Variants in ATRNL1 observed in about 807,000 individuals in gnomAD.
The protein encoded by ATRNL1 is attractin like 1.
A neutral mutation model predicts 182.7 loss-of-function variants in ATRNL1; 95 were observed. That is an observed-to-expected ratio of 0.52 (90% CI 0.44 to 0.62). The LOEUF is 0.62. ATRNL1 is among the 20% of genes least tolerant of loss of function. The pLI is 0.00. For missense variants in ATRNL1, 1,471 were observed against 1,679.5 expected (o/e 0.88, Z 2.17); for synonymous variants, 576 against 568.3 (o/e 1.01, Z -0.19).
intron 10 of ATRNL1, among the ~76,000 whole-genome samples, chr10:115,259,295 G>T (rs951133121): frequency 6.6e-6 from 1 of 152,156 alleles, no homozygotes; most frequent in African/African-American, 2.4e-5. Flanking sequence ...CTTCCTGGCC[G>T]CTTTGTTTAC....
At chr10:115,314,666 T>C (rs1854203196) in intron 17 of ATRNL1, among the ~76,000 whole-genome samples, 1 of 152,236 alleles carries the variant, frequency 6.6e-6, no homozygotes. Flanking sequence ...TAAGATGCTT[T>C]GGTTGTTAAG....
intron 10 of ATRNL1, among the ~76,000 whole-genome samples, chr10:115,257,564 G>A (rs554038277): frequency 1.3e-5 from 2 of 151,438 alleles, no homozygotes; most frequent in Non-Finnish European, 3.0e-5. Flanking sequence ...CACACTGATG[G>A]ATCTTGACTT....
intron 5 of ATRNL1, among the ~76,000 whole-genome samples, chr10:115,148,727 T>C (rs1214729931): frequency 6.7e-6 from 1 of 150,232 alleles, no homozygotes; most frequent in Non-Finnish European, 1.5e-5. Context: ...TGGATCTCCC[T>C]CTTTGAGGCC....
At chr10:115,929,534 A>G (rs1490067257) in intron 28 of ATRNL1, among the ~76,000 whole-genome samples, 1 of 152,166 alleles carries the variant, frequency 6.6e-6, no homozygotes, top group Non-Finnish European at 1.5e-5. Flanking sequence ...GGTATGAAGG[A>G]ACCCAAGGCT....
intron 24 of ATRNL1, among the ~76,000 whole-genome samples, chr10:115,470,869 A>G (rs1848277116): frequency 6.6e-6 from 1 of 150,796 alleles, no homozygotes; most frequent in East Asian, 1.9e-4. Context: ...AAAGCATGGA[A>G]GTATTAATAT....
At chr10:115,443,270 C>A (rs934855446) in intron 21 of ATRNL1, among the ~76,000 whole-genome samples, 2 of 151,844 alleles carry the variant, frequency 1.3e-5, no homozygotes, top group Non-Finnish European at 2.9e-5. Context: ...GTCTCAAAGT[C>A]TATAATTGAA....
Position 115,183,021 on chromosome 10 carries a change from G to A in ATRNL1, c.1348+11729G>A, listed in dbSNP as rs567853274. ...AATGTTGTCTTCTCAAATGCACATG[G>A]AAAACCCACAAAAATTGACTGAATA... On this transcript the variant is annotated intron_variant, in intron 8 of 28. Coordinates refer to ENST00000355044, the MANE Select transcript of ATRNL1 (RefSeq NM_207303.4). Among the ~76,000 whole-genome samples, 10 of 151,458 alleles carry A rather than the reference G, an allele frequency of 6.6e-5. No homozygotes were observed. In the South Asian group the frequency reaches 1.9e-3, roughly 28 times the overall value.
intron 26 of ATRNL1, among the ~76,000 whole-genome samples, chr10:115,574,036 C>CTTCCCA (rs1854561981): frequency 6.6e-6 from 1 of 152,052 alleles, no homozygotes; most frequent in Non-Finnish European, 1.5e-5. Flanking sequence ...CCACTTAAAG[C>CTTCCCA]AGAAAATTCT....
rs368789050 is a variant in ATRNL1, at chr10:115,535,679, G to T, written c.3717-13779G>T. ...ACTGCGTTCGTTTGGAGGAGGGGAGGTGCTCTGGTTTTTAGAGTTTCCAGT... is the reference window on the plus strand; with the variant it reads ...ACTGCGTTCGTTTGGAGGAGGGGAGTTGCTCTGGTTTTTAGAGTTTCCAGT... On this transcript the variant is annotated intron_variant, in intron 25 of 28. Coordinates refer to ENST00000355044, the MANE Select transcript of ATRNL1 (RefSeq NM_207303.4). 2.6e-4 allele frequency among the ~76,000 whole-genome samples: 39 copies of T among 152,236 alleles called. 1 individual carries two copies. The South Asian group carries it at 7.9e-3, about 31-fold the overall frequency.
At chr10:115,148,219 G>A (rs1298571513) in intron 5 of ATRNL1, among the ~76,000 whole-genome samples, 3 of 151,784 alleles carry the variant, frequency 2.0e-5, no homozygotes, top group Non-Finnish European at 4.4e-5. Flanking sequence ...CTATTGTATT[G>A]CCTTCTTGAT....
chr10:115,521,866 T>A lies in ATRNL1; in HGVS notation c.3716+2542T>A, dbSNP rs144495518. Among the ~76,000 whole-genome samples, 3 of 152,336 alleles carry A rather than the reference T, an allele frequency of 2.0e-5. No homozygotes were observed. In the East Asian group the frequency reaches 5.8e-4, roughly 29 times the overall value. ...TTGAAGCTTATCAATTATTAAGTTTTATAAAGCTACTGCTAAACTTTAGGA... is the reference window on the plus strand; with the variant it reads ...TTGAAGCTTATCAATTATTAAGTTTAATAAAGCTACTGCTAAACTTTAGGA... On this transcript the variant is annotated intron_variant, in intron 25 of 28. Transcript: ENST00000355044.
chr10:115,263,537 T>C lies in ATRNL1; in HGVS notation c.1688-1656T>C, dbSNP rs59160452. 7.7e-3 allele frequency among the ~76,000 whole-genome samples: 1,175 copies of C among 151,974 alleles called. 17 individuals carry two copies. Among genetic ancestry groups the C allele is most frequent in the African/African-American group, 0.027 (1,122 of 41,556 alleles). ...TTTACCTTCATGTAGGTCTGATTCTTCATTTCTAACATAGGGTAATACCTG... is the reference window on the plus strand; with the variant it reads ...TTTACCTTCATGTAGGTCTGATTCTCCATTTCTAACATAGGGTAATACCTG... On this transcript the variant is annotated intron_variant, in intron 10 of 28. Transcript: ENST00000355044.
intron 14 of ATRNL1, among the ~76,000 whole-genome samples, chr10:115,283,275 G>C (rs1319812496): frequency 6.6e-6 from 1 of 151,998 alleles, no homozygotes; most frequent in Non-Finnish European, 1.5e-5. Flanking sequence ...TTAGCTGGGT[G>C]TGGTGGTGGG....
intron 17 of ATRNL1, among the ~76,000 whole-genome samples, chr10:115,313,177 G>A (rs1258329250): frequency 4.3e-4 from 4 of 9,344 alleles, no homozygotes; most frequent in African/African-American, 8.4e-4. Context: ...GAGCTAGTGT[G>A]ATCTTTTTGG....
At chr10:115,879,108 C>G (rs571131234) in intron 28 of ATRNL1, among the ~76,000 whole-genome samples, 1 of 151,916 alleles carries the variant, frequency 6.6e-6, no homozygotes, top group East Asian at 1.9e-4. Context: ...AAATTTTAGT[C>G]TGTGTAACAT....
chr10:115,410,952 G>T (rs1845109701), intron 20 of ATRNL1, among the ~76,000 whole-genome samples: 2 of 151,874 alleles, frequency 1.3e-5, no homozygotes, highest in Admixed American at 1.3e-4. Flanking sequence ...TGGCCAGGCT[G>T]GTCTCAAACT....
chr10:115,107,539 T>C (rs1348809983), intron 1 of ATRNL1, among the ~76,000 whole-genome samples: 1 of 152,178 alleles, frequency 6.6e-6, no homozygotes, highest in Non-Finnish European at 1.5e-5. Context: ...GGTTGGAGGC[T>C]CATGCCTGCC....
intron 10 of ATRNL1, among the ~76,000 whole-genome samples, chr10:115,252,416 C>T (rs1850923863): frequency 6.6e-6 from 1 of 152,200 alleles, no homozygotes; most frequent in South Asian, 2.1e-4. Context: ...ATACCCAACC[C>T]AAGTTATAGG....
At chr10:115,510,046 A>G (rs1316668328) in intron 24 of ATRNL1, among the ~76,000 whole-genome samples, 2 of 152,072 alleles carry the variant, frequency 1.3e-5, no homozygotes, top group Non-Finnish European at 2.9e-5. Context: ...TAGAGATAGC[A>G]TGAGTAATAT....
Sources: allele counts gnomAD v4.1 joint callset (sites outside exome capture counted in the v4.1 genomes callset), GRCh38; gene constraint gnomAD v4.1.1; transcripts MANE v1.5; gene names NCBI Gene and HGNC (gene_info 2026-07-23, HGNC 2026-07-21).